LAMC1: variants seen among roughly 807,000 people sequenced by gnomAD.
LAMC1 encodes the protein laminin subunit gamma-1.
LAMC1 carries 38 observed loss-of-function variants against 173.6 expected under a neutral mutation model. The ratio of observed to expected loss-of-function variants is 0.22; its 90% CI spans 0.17 to 0.29. The LOEUF (loss-of-function observed/expected upper bound fraction) is 0.29, where lower values mean the gene tolerates loss of function less well. Among genes scored for constraint, LAMC1 ranks in the 10% least tolerant of loss-of-function variants. The pLI is 1.00. For missense variants in LAMC1, 1,824 were observed against 2,051.8 expected, an observed-to-expected ratio of 0.89 and a Z score of 2.14; for synonymous variants, 746 against 749.1, an observed-to-expected ratio of 1.00 and a Z score of 0.07.
At chr1:183,073,144 A>G (rs551434051) in intron 1 of LAMC1, among the ~76,000 whole-genome samples, 5 of 152,182 alleles carry the variant, frequency 3.3e-5, no homozygotes, top group African/African-American at 1.2e-4. Context: ...TTGGTGTTTT[A>G]GTAGCATTAA....
intron 1 of LAMC1, among the ~76,000 whole-genome samples, chr1:183,058,331 A>G (rs1654651978): frequency 6.6e-6 from 1 of 152,138 alleles, no homozygotes; most frequent in African/African-American, 2.4e-5. Context: ...GTACATCTTT[A>G]TATGTGTCTG....
At chr1:183,097,602 A>G (rs1359094924) in intron 1 of LAMC1, among the ~76,000 whole-genome samples, 3 of 152,218 alleles carry the variant, frequency 2.0e-5, no homozygotes, top group Non-Finnish European at 4.4e-5. Flanking sequence ...TCAGTGCTTG[A>G]ATCCAATTCT....
chr1:183,053,411 T>TG (rs144100617), intron 1 of LAMC1, among the ~76,000 whole-genome samples: 5 of 67,920 alleles, frequency 7.4e-5, no homozygotes, highest in Admixed American at 3.5e-4. Context: ...GATCTGTTTT[T>TG]TGTGTGTGTT....
intron 2 of LAMC1, among the ~76,000 whole-genome samples, chr1:183,105,231 AAAAAAAAAAAAAAAAG>A (rs1655942937): frequency 6.9e-6 from 1 of 144,158 alleles, no homozygotes; most frequent in Admixed American, 7.1e-5. Flanking sequence ...TCTCAAAAAA[AAAAAAAAAAAAAAAAG>A]AAAGAAAGAA....
intron 1 of LAMC1, among the ~76,000 whole-genome samples, chr1:183,045,472 A>G (rs769582744): frequency 1.2e-4 from 19 of 152,080 alleles, no homozygotes; most frequent in Admixed American, 2.0e-4. Flanking sequence ...GTAATTGGCA[A>G]CTTGCCAATT....
At chr1:183,095,253 G>T (rs1309032018) in intron 1 of LAMC1, among the ~76,000 whole-genome samples, 1 of 152,068 alleles carries the variant, frequency 6.6e-6, no homozygotes, top group East Asian at 1.9e-4. Context: ...GACTTTGTGG[G>T]ATTATTGGAG....
chr1:183,081,822 G>A (rs1655284798), intron 1 of LAMC1, among the ~76,000 whole-genome samples: 1 of 152,042 alleles, frequency 6.6e-6, no homozygotes, highest in South Asian at 2.1e-4. Flanking sequence ...TAAGGATTTG[G>A]ACAAATGTTT....
At position 183,132,447 on chromosome 1, in the gene LAMC1, A is replaced by G. The variant is rs61749262; in HGVS notation, c.3614A>G (p.Asn1205Ser). ...DDIVRVAKTA[N>S]DTSTEAYNLL... ...ATTGTTCGAGTGGCAAAGACAGCCA[A>G]TGATACGTCAACTGAGGCATACAAC... Residue 1205 changes from asparagine (N) to serine (S), a missense_variant, in exon 21 of 28, where the codon AAT becomes AGT. By Grantham distance (46) the Asn-to-Ser change is conservative. Coordinates refer to ENST00000258341, the MANE Select transcript of LAMC1 (RefSeq NM_002293.4). The G allele has an allele frequency of 0.019, 30,506 of 1,613,484 alleles. 608 individuals carry two copies. Among genetic ancestry groups the G allele is most frequent in the South Asian group, 0.079 (7,205 of 91,048 alleles).
rs201777012 is a variant in LAMC1 at position 183,134,674 on chromosome 1, C to T, written c.3864C>T (p.Asn1288=). Residue 1288 remains asparagine (N), a synonymous_variant, in exon 23 of 28, where the codon AAC becomes AAT. Transcript: ENST00000258341. ...GCTTTTCACAGAATGAAGCAAATAA[C>T]ATAAAGATGGAAGCTGAGAATCTGG... ...DSETLENEAN[N]IKMEAENLEQ... The T allele has an allele frequency of 4.3e-6, 7 of 1,610,766 alleles. No individual in the cohort carries two copies. The South Asian group carries it at 6.6e-5, about 15-fold the overall frequency.
chr1:183,121,300 C>T (rs987702027), intron 11 of LAMC1, among the ~76,000 whole-genome samples: 1 of 151,994 alleles, frequency 6.6e-6, no homozygotes, highest in Non-Finnish European at 1.5e-5. Flanking sequence ...GTGGCATGCG[C>T]CTGTAATCCC....
chr1:183,123,920 T>C (rs952869571), intron 13 of LAMC1, among the ~76,000 whole-genome samples: 3 of 152,142 alleles, frequency 2.0e-5, no homozygotes, highest in Non-Finnish European at 4.4e-5. Flanking sequence ...TACAAAGATA[T>C]CACGAGCCCA....
At position 183,142,819 on chromosome 1, in the gene LAMC1, T is replaced by C. The variant is rs991512721; in HGVS notation, c.*29T>C. 1 of 1,578,214 alleles carries C rather than the reference T, an allele frequency of 6.3e-7. No individual in the cohort carries two copies. Among genetic ancestry groups the C allele is most frequent in the African/African-American group, 1.4e-5 (1 of 73,856 alleles). On this transcript the variant is annotated 3_prime_UTR_variant, in exon 28 of 28. Transcript: ENST00000258341. ...CTTTAGGGCTGGAAGGCAGCATCCC[T>C]CTGACAGGGGGGCAGTTGTGAGGCC...
intron 1 of LAMC1, among the ~76,000 whole-genome samples, chr1:183,081,155 T>G (rs1416015679): frequency 6.6e-6 from 1 of 152,154 alleles, no homozygotes; most frequent in Non-Finnish European, 1.5e-5. Context: ...CCAAAAGTGC[T>G]GGGATTATAG....
chr1:183,114,590 A>G lies in LAMC1; in HGVS notation c.1081A>G (p.Thr361Ala), dbSNP rs1054808520. 10 of 1,614,118 alleles carry G rather than the reference A, an allele frequency of 6.2e-6. No homozygotes were observed. The highest frequency in any genetic ancestry group is 8.5e-6 in the Non-Finnish European group (10 of 1,180,048). The stretch of plus-strand genomic sequence containing the variant: ...CTTCGACCCTGAACTCTATCGTTCC[A>G]CTGGCCATGGGGGCCACTGTACCAA... ...CYFDPELYRS[T>A]GHGGHCTNCQ... The change falls in exon 5 of 28, where the codon ACT (threonine) becomes GCT (alanine). Residue 361 changes from threonine (T) to alanine (A), a missense_variant. By Grantham distance (58) the Thr-to-Ala change is moderately conservative. Coordinates refer to ENST00000258341, the MANE Select transcript of LAMC1 (RefSeq NM_002293.4).
chr1:183,117,871 A>G, intron 10 of LAMC1, 148 bp downstream of exon 10: 1 of 812,592 alleles, frequency 1.2e-6, no homozygotes, highest in East Asian at 2.6e-5. Flanking sequence ...TCCTTTCTTT[A>G]CCTTTATCTT....
intron 1 of LAMC1, among the ~76,000 whole-genome samples, chr1:183,046,858 A>G (rs1243805642): frequency 1.3e-5 from 2 of 152,126 alleles, no homozygotes; most frequent in Non-Finnish European, 2.9e-5. Context: ...TTATGCCTTT[A>G]TAAAGCTCTG....
At position 183,114,637 on chromosome 1, in the gene LAMC1, C is replaced by A. The variant is rs746539559; in HGVS notation, c.1128C>A (p.Gly376=). The change falls in exon 5 of 28, where the codon GGC becomes GGA. Residue 376 remains glycine (G), a synonymous_variant. Coordinates refer to ENST00000258341, the MANE Select transcript of LAMC1 (RefSeq NM_002293.4). ...HCTNCQDNTD[G]AHCERCRENF... Reference sequence around the variant, plus strand: ...CCAACTGCCAGGATAACACAGATGGCGCCCACTGTGAGAGGTGCCGAGAGA... The same window carrying A: ...CCAACTGCCAGGATAACACAGATGGAGCCCACTGTGAGAGGTGCCGAGAGA... The A allele has an allele frequency of 6.2e-6, 10 of 1,614,178 alleles. No individual in the cohort carries two copies. Among genetic ancestry groups the A allele is most frequent in the Non-Finnish European group, 8.5e-6 (10 of 1,180,036 alleles).
At chr1:183,124,489 T>C in intron 13 of LAMC1, 142 bp from the exon 14 acceptor site, 1 of 981,068 alleles carries the variant, frequency 1.0e-6, no homozygotes, top group African/African-American at 1.6e-5. Flanking sequence ...GTGCCAGGGC[T>C]GCAGCCCAGG....
intron 1 of LAMC1, among the ~76,000 whole-genome samples, chr1:183,042,383 A>T: frequency 6.6e-6 from 1 of 152,212 alleles, no homozygotes. Flanking sequence ...ATCTGCCACC[A>T]GAGAGAGCTT....
Sources: allele counts gnomAD v4.1 joint callset (sites outside exome capture counted in the v4.1 genomes callset), GRCh38; gene constraint gnomAD v4.1.1; transcripts MANE v1.5; gene names NCBI Gene and HGNC (gene_info 2026-07-23, HGNC 2026-07-21).